KRTAP4-12: variants seen among roughly 807,000 people sequenced by gnomAD.
The protein encoded by KRTAP4-12 is keratin-associated protein 4-12.
Under a neutral mutation model 0.9 loss-of-function variants are expected in KRTAP4-12, and 1 was observed. The observed-to-expected ratio is 1.11, with a 90% CI of 0.40 to 5.29. The LOEUF (loss-of-function observed/expected upper bound fraction) is 5.29, where lower values mean the gene tolerates loss of function less well. Ranked by LOEUF, KRTAP4-12 falls within the 30% of genes most tolerant of loss-of-function variation. The pLI, the probability that KRTAP4-12 is intolerant of heterozygous loss-of-function variation, is 0.16. For synonymous variants in KRTAP4-12, 85 were observed against 94.0 expected, an observed-to-expected ratio of 0.90 and a Z score of 0.55; for missense variants, 240 against 265.6, an observed-to-expected ratio of 0.90 and a Z score of 0.67.
Position 41,123,665 on chromosome 17 carries a change from G to T in KRTAP4-12, c.458C>A (p.Pro153His), listed in dbSNP as rs767025105. The change falls in exon 1 of 1, where the codon CCC becomes CAC. Residue 153 changes from proline to histidine, a missense_variant. By Grantham distance (77) the Pro-to-His change is moderately conservative. Coordinates refer to ENST00000394014, the MANE Select transcript of KRTAP4-12 (RefSeq NM_031854.3). The part of the protein sequence containing the change: ...PSCCISSSCC[P>H]SCCESSCCRP... ...GCAGCAGCTGGATTCACAGCAAGAG[G>T]GGCAGCAGCTGCTGGAGATGCAGCA... 7.4e-6 allele frequency: 12 copies of T among 1,613,284 alleles called. No homozygotes were observed. The highest frequency in any genetic ancestry group is 1.0e-5 in the Non-Finnish European group (12 of 1,179,908).
In KRTAP4-12 at chr17:41,123,336, T is replaced by G; in HGVS notation, c.*181A>C. ...TGTCAATTTATTAGGAGATTGTCAA[T>G]GAATTCCTTTGGAAGGAAGGGAGTT... On this transcript the variant is annotated 3_prime_UTR_variant, in exon 1 of 1. Transcript: ENST00000394014. 1 of 1,221,810 alleles carries G rather than the reference T, an allele frequency of 8.2e-7. No individual in the cohort carries two copies. The highest frequency in any genetic ancestry group is 1.1e-6 in the Non-Finnish European group (1 of 893,922). 75.7% of individuals were successfully genotyped at this position (1,221,810 alleles called of 1,614,324 possible). A position where few individuals can be genotyped will look rare whatever the true frequency, so the allele number is the denominator to read the frequency against.
At position 41,123,463 on chromosome 17, in the gene KRTAP4-12, C is replaced by A. The variant is rs2014439156; in HGVS notation, c.*54G>T. 18 of 1,546,314 alleles carry A rather than the reference C, an allele frequency of 1.2e-5. No individual in the cohort carries two copies. The South Asian group carries it at 2.1e-4, about 18-fold the overall frequency. ...ACAGTCCGCATGTTTGCAATGAGAG[C>A]CTTCATCTGTAGGAAAGGACGTAAT... On this transcript the variant is annotated 3_prime_UTR_variant, in exon 1 of 1. Transcript: ENST00000394014.
chr17:41,123,203 C>A lies in KRTAP4-12; in HGVS notation c.*314G>T. The A allele has an allele frequency of 1.9e-6, 1 of 524,562 alleles. No homozygotes were observed. Among genetic ancestry groups the A allele is most frequent in the South Asian group, 3.3e-5 (1 of 30,760 alleles). 32.5% of individuals were successfully genotyped at this position (524,562 alleles called of 1,614,324 possible). A position where few individuals can be genotyped will look rare whatever the true frequency, so the allele number is the denominator to read the frequency against. On this transcript the variant is annotated 3_prime_UTR_variant, in exon 1 of 1. Coordinates refer to ENST00000394014, the MANE Select transcript of KRTAP4-12 (RefSeq NM_031854.3). ...CTTCACTGGACTTCAAGGTTGGAGG[C>A]TTTAAGATCTGTGGCCCTACAAATG...
Position 41,124,022 on chromosome 17 carries a change from G to A in KRTAP4-12, c.101C>T (p.Thr34Ile). Reference sequence around the variant, plus strand: ...CACACAGCAGCTGGGGCGGCAGCAGGTGGTCCTGCAGCAGGTGGTCTGGCA... The same window carrying A: ...CACACAGCAGCTGGGGCGGCAGCAGATGGTCCTGCAGCAGGTGGTCTGGCA... ...SCCQTTCCRTTCCRPSCCVSS... is the reference protein window; with the variant it reads ...SCCQTTCCRTICCRPSCCVSS... The change falls in exon 1 of 1, where the codon ACC (threonine) becomes ATC (isoleucine). Residue 34 changes from threonine to isoleucine, a missense_variant. By Grantham distance (89) the Thr-to-Ile change is moderately conservative. Around this residue, in one of 3 missense-constraint regions of KRTAP4-12, gnomAD observed 110 missense variants for 115.0 expected, o/e 0.96. Transcript: ENST00000394014. 7.4e-6 allele frequency: 12 copies of A among 1,611,992 alleles called. No individual in the cohort carries two copies. Among genetic ancestry groups the A allele is most frequent in the Non-Finnish European group, 9.3e-6 (11 of 1,179,546 alleles).
chr17:41,123,334 A>G lies in KRTAP4-12; in HGVS notation c.*183T>C. On this transcript the variant is annotated 3_prime_UTR_variant, in exon 1 of 1. Coordinates refer to ENST00000394014, the MANE Select transcript of KRTAP4-12 (RefSeq NM_031854.3). Reference sequence around the variant, plus strand: ...TTTGTCAATTTATTAGGAGATTGTCAATGAATTCCTTTGGAAGGAAGGGAG... The same window carrying G: ...TTTGTCAATTTATTAGGAGATTGTCGATGAATTCCTTTGGAAGGAAGGGAG... 5.8e-6 allele frequency: 7 copies of G among 1,204,616 alleles called. No individual in the cohort carries two copies. The South Asian group carries it at 1.0e-4, about 17-fold the overall frequency. The allele number at this position is 1,204,616 out of a possible 1,614,324, so 74.6% of individuals were successfully genotyped here.
In KRTAP4-12 at chr17:41,123,278, G is replaced by A; in HGVS notation, c.*239C>T. Reference sequence around the variant, plus strand: ...AGGCATGATGAATAAATGTCCTGAAGTCAAAGAGGTGGGAGGATGTTGGAG... The same window carrying A: ...AGGCATGATGAATAAATGTCCTGAAATCAAAGAGGTGGGAGGATGTTGGAG... On this transcript the variant is annotated 3_prime_UTR_variant, in exon 1 of 1. Transcript: ENST00000394014. The A allele has an allele frequency of 1.3e-6, 1 of 792,026 alleles. No homozygotes were observed. 49.1% of individuals were successfully genotyped at this position (792,026 alleles called of 1,614,324 possible).
rs755811675 is a variant in KRTAP4-12, at chr17:41,123,668, C to A, written c.455G>T (p.Cys152Phe). 12 of 1,613,340 alleles carry A rather than the reference C, an allele frequency of 7.4e-6. No individual in the cohort carries two copies. In the South Asian group the frequency reaches 1.1e-4, roughly 15 times the overall value. ...GCAGCTGGATTCACAGCAAGAGGGG[C>A]AGCAGCTGCTGGAGATGCAGCAGCT... ...RPSCCISSSC[C>F]PSCCESSCCR... The change falls in exon 1 of 1, where the codon TGC becomes TTC. Residue 152 changes from cysteine to phenylalanine, a missense_variant. Coordinates refer to ENST00000394014, the MANE Select transcript of KRTAP4-12 (RefSeq NM_031854.3).
Position 41,123,566 on chromosome 17 carries a change from A to G in KRTAP4-12, c.557T>C (p.Val186Ala). ...CHTTCYRPTC[V>A]ISTCPRPLCC... ...CAAGGGGCGGGGGCAGGTGGAGATG[A>G]CACAGGTTGGGCGATAGCAAGTGGT... Residue 186 changes from valine (V) to alanine (A), a missense_variant, in exon 1 of 1, where the codon GTC becomes GCC. Val to Ala is a moderately conservative substitution (Grantham distance 64). Transcript: ENST00000394014. 1 of 1,612,952 alleles carries G rather than the reference A, an allele frequency of 6.2e-7. No individual in the cohort carries two copies. The highest frequency in any genetic ancestry group is 2.2e-5 in the East Asian group (1 of 44,844).
In KRTAP4-12 at chr17:41,124,107, A is replaced by C. The variant is rs557875230; in HGVS notation, c.16T>G (p.Cys6Gly). 427 of 1,611,672 alleles carry C rather than the reference A, an allele frequency of 2.6e-4. No homozygotes were observed. Among genetic ancestry groups the C allele is most frequent in the Non-Finnish European group, 3.5e-4 (408 of 1,178,572 alleles). Residue 6 changes from cysteine (C) to glycine (G), a missense_variant, in exon 1 of 1, where the codon TGT becomes GGT. By Grantham distance (159) the Cys-to-Gly change is radical. Transcript: ENST00000394014. ...CCCTGGTCAGAGCACACAGAGCCAC[A>C]ACAGGAGTTGACCATGGTGTCAGAG... MVNSCCGSVCSDQGCG... is the reference protein window; with the variant it reads MVNSCGGSVCSDQGCG...
Position 41,123,931 on chromosome 17 carries a change from G to C in KRTAP4-12, c.192C>G (p.Ser64Arg). Residue 64 changes from serine (S) to arginine (R), a missense_variant, in exon 1 of 1, where the codon AGC becomes AGG. Ser to Arg is a moderately radical substitution (Grantham distance 110). Around this residue, in one of 3 missense-constraint regions of KRTAP4-12, gnomAD observed 110 missense variants for 115.0 expected, o/e 0.96. Transcript: ENST00000394014. ...VCCQPTCCRPSCCQTTCCRTT... is the reference protein window; with the variant it reads ...VCCQPTCCRPRCCQTTCCRTT... ...TCCTACAGCAGGTGGTCTGACAGCA[G>C]CTGGGGCGGCAGCAGGTGGGCTGAC... The C allele has an allele frequency of 6.4e-7, 1 of 1,560,438 alleles. No homozygotes were observed. The highest frequency in any genetic ancestry group is 8.5e-7 in the Non-Finnish European group (1 of 1,171,718).
Position 41,123,347 on chromosome 17 carries a change from G to T in KRTAP4-12, c.*170C>A. The T allele has an allele frequency of 1.6e-6, 2 of 1,279,622 alleles. No homozygotes were observed. The highest frequency in any genetic ancestry group is 1.6e-5 in the South Asian group (1 of 62,296). The allele number at this position is 1,279,622 out of a possible 1,614,324, so 79.3% of individuals were successfully genotyped here. A position where few individuals can be genotyped will look rare whatever the true frequency, so the allele number is the denominator to read the frequency against. On this transcript the variant is annotated 3_prime_UTR_variant, in exon 1 of 1. Transcript: ENST00000394014. ...TAGGAGATTGTCAATGAATTCCTTT[G>T]GAAGGAAGGGAGTTTGGACAAAAGG...
chr17:41,123,161 A>C lies in KRTAP4-12; in HGVS notation c.*356T>G, dbSNP rs1227609914. On this transcript the variant is annotated 3_prime_UTR_variant, in exon 1 of 1. Coordinates refer to ENST00000394014, the MANE Select transcript of KRTAP4-12 (RefSeq NM_031854.3). ...AACAAGGTACAAAAATGTTTGCAAA[A>C]GACTTTAAGAGAGAGACTTCACTGG... The C allele has an allele frequency of 2.6e-6, 1 of 379,130 alleles. No individual in the cohort carries two copies. The highest frequency in any genetic ancestry group is 2.1e-5 in the African/African-American group (1 of 48,446). 23.5% of individuals were successfully genotyped at this position (379,130 alleles called of 1,614,324 possible). A position where few individuals can be genotyped will look rare whatever the true frequency, so the allele number is the denominator to read the frequency against.
At position 41,123,887 on chromosome 17, in the gene KRTAP4-12, C is replaced by G. The variant is rs1266055414; in HGVS notation, c.236G>C (p.Ser79Thr). 1.9e-6 allele frequency: 3 copies of G among 1,570,200 alleles called. No individual in the cohort carries two copies. The Admixed American group carries it at 5.4e-5, about 28-fold the overall frequency. The change falls in exon 1 of 1, where the codon AGC becomes ACC. Residue 79 changes from serine to threonine, a missense_variant. Ser to Thr is a moderately conservative substitution (Grantham distance 58). This residue lies in a region of KRTAP4-12 where 110 missense variants were observed against 115.0 expected (regional missense o/e 0.96). Coordinates refer to ENST00000394014, the MANE Select transcript of KRTAP4-12 (RefSeq NM_031854.3). The part of the protein sequence containing the change: ...TCCRTTCCRP[S>T]CCVSSCCRPQ... Reference sequence around the variant, plus strand: ...TCTGCAGCAGCTGGACACACAGCAGCTGGGGCGGCAGCAGGTGGTCCTACA... The same window carrying G: ...TCTGCAGCAGCTGGACACACAGCAGGTGGGGCGGCAGCAGGTGGTCCTACA...
In KRTAP4-12 at chr17:41,123,404, G is replaced by C; in HGVS notation, c.*113C>G. On this transcript the variant is annotated 3_prime_UTR_variant, in exon 1 of 1. Coordinates refer to ENST00000394014, the MANE Select transcript of KRTAP4-12 (RefSeq NM_031854.3). Reference sequence around the variant, plus strand: ...GCAAATACAGAATTTCTAAGGATGAGGTTTGCTTATGGGACCCAGATCAAT... The same window carrying C: ...GCAAATACAGAATTTCTAAGGATGACGTTTGCTTATGGGACCCAGATCAAT... The C allele has an allele frequency of 6.9e-7, 1 of 1,455,436 alleles. No homozygotes were observed. The highest frequency in any genetic ancestry group is 2.7e-5 in the Admixed American group (1 of 37,260). The allele number at this position is 1,455,436 out of a possible 1,614,324, so 90.2% of individuals were successfully genotyped here.
In KRTAP4-12 at chr17:41,123,734, C is replaced by T. The variant is rs778737282; in HGVS notation, c.389G>A (p.Cys130Tyr). The T allele has an allele frequency of 2.5e-6, 4 of 1,613,032 alleles. No homozygotes were observed. The East Asian group carries it at 8.9e-5, about 36-fold the overall frequency. The change falls in exon 1 of 1, where the codon TGC becomes TAC. Residue 130 changes from cysteine to tyrosine, a missense_variant. Physicochemically the swap from Cys to Tyr is radical, Grantham distance 194. Transcript: ENST00000394014. Reference sequence around the variant, plus strand: ...GGGCTGGCAGCACACAGACTGGCAGCACTGGGGTCTGCAGCAGCTGGACAC... The same window carrying T: ...GGGCTGGCAGCACACAGACTGGCAGTACTGGGGTCTGCAGCAGCTGGACAC... ...CCVSSCCRPQ[C>Y]CQSVCCQPTC...
rs1357914307 is a variant in KRTAP4-12 at position 41,123,357 on chromosome 17, G to A, written c.*160C>T. 2 of 1,335,428 alleles carry A rather than the reference G, an allele frequency of 1.5e-6. No homozygotes were observed. The highest frequency in any genetic ancestry group is 5.8e-5 in the Admixed American group (2 of 34,712). 82.7% of individuals were successfully genotyped at this position (1,335,428 alleles called of 1,614,324 possible). ...TCAATGAATTCCTTTGGAAGGAAGG[G>A]AGTTTGGACAAAAGGTAGAATGCAA... On this transcript the variant is annotated 3_prime_UTR_variant, in exon 1 of 1. Coordinates refer to ENST00000394014, the MANE Select transcript of KRTAP4-12 (RefSeq NM_031854.3).
At position 41,123,579 on chromosome 17, in the gene KRTAP4-12, G is replaced by C; in HGVS notation, c.544C>G (p.Arg182Gly). 1.9e-6 allele frequency: 3 copies of C among 1,612,792 alleles called. No homozygotes were observed. Among genetic ancestry groups the C allele is most frequent in the African/African-American group, 1.3e-5 (1 of 74,952 alleles). ...CAGGTGGAGATGACACAGGTTGGGC[G>C]ATAGCAAGTGGTGTGGCAGGAGACT... is the stretch of plus-strand genomic sequence containing the variant. ...GRVSCHTTCY[R>G]PTCVISTCPR... Residue 182 changes from arginine to glycine, a missense_variant, in exon 1 of 1, where the codon CGC becomes GGC. Transcript: ENST00000394014.
In KRTAP4-12 at chr17:41,123,288, T is replaced by C. The variant is rs2014436412; in HGVS notation, c.*229A>G. ...AATAAATGTCCTGAAGTCAAAGAGG[T>C]GGGAGGATGTTGGAGGACAATTTGT... is the stretch of plus-strand genomic sequence containing the variant. On this transcript the variant is annotated 3_prime_UTR_variant, in exon 1 of 1. Coordinates refer to ENST00000394014, the MANE Select transcript of KRTAP4-12 (RefSeq NM_031854.3). 1 of 818,252 alleles carries C rather than the reference T, an allele frequency of 1.2e-6. No individual in the cohort carries two copies. Among genetic ancestry groups the C allele is most frequent in the East Asian group, 2.7e-5 (1 of 36,502 alleles). 50.7% of individuals were successfully genotyped at this position (818,252 alleles called of 1,614,324 possible).
Position 41,123,827 on chromosome 17 carries a change from G to T in KRTAP4-12, c.296C>A (p.Thr99Asn), listed in dbSNP as rs2014454225. Residue 99 changes from threonine (T) to asparagine (N), a missense_variant, in exon 1 of 1, where the codon ACC becomes AAC. Transcript: ENST00000394014. ...QCCQSVCCQP[T>N]CCRPSCCQTT... ...CTGACAGCAGCTGGGGCGGCAGCAGGTGGGCTGGCAGCACACAGACTGGCA... is the reference window on the plus strand; with the variant it reads ...CTGACAGCAGCTGGGGCGGCAGCAGTTGGGCTGGCAGCACACAGACTGGCA... 6.2e-7 allele frequency: 1 copy of T among 1,611,162 alleles called. No homozygotes were observed. Among genetic ancestry groups the T allele is most frequent in the Non-Finnish European group, 8.5e-7 (1 of 1,179,188 alleles).
Sources: gnomAD v4.1 joint callset for allele counts on GRCh38, gnomAD v4.1.1 for gene constraint, gnomAD v4.1.1 regional missense constraint, MANE v1.5 for transcripts, NCBI Gene and HGNC (gene_info 2026-07-23, HGNC 2026-07-21) for gene names.